LYPD6: variants seen among roughly 807,000 people sequenced by gnomAD.
LYPD6 encodes the protein LY6/PLAUR domain containing 6.
In LYPD6, 15 loss-of-function variants were observed where a neutral mutation model predicts 22.7. The observed-to-expected ratio is 0.66, with a 90% CI of 0.44 to 1.02. The LOEUF (loss-of-function observed/expected upper bound fraction) is 1.02, where lower values mean the gene tolerates loss of function less well. Among genes scored for constraint, LYPD6 ranks in the 50% least tolerant of loss-of-function variants. The pLI is 0.00. For synonymous variants in LYPD6, 72 were observed against 77.5 expected, an observed-to-expected ratio of 0.93 and a Z score of 0.37; for missense variants, 189 against 208.4, an observed-to-expected ratio of 0.91 and a Z score of 0.57.
intron 1 of LYPD6, among the ~76,000 whole-genome samples, chr2:149,354,600 T>A (rs1397784881): frequency 6.6e-6 from 1 of 152,170 alleles, no homozygotes; most frequent in Non-Finnish European, 1.5e-5. Flanking sequence ...ACAGCAGCTT[T>A]CTATGGCCCC....
intron 1 of LYPD6, among the ~76,000 whole-genome samples, chr2:149,348,572 AG>A (rs780147819): frequency 5.3e-5 from 8 of 152,240 alleles, no homozygotes; most frequent in South Asian, 2.1e-4. Flanking sequence ...TTGCCCTCCA[AG>A]AAGGCAGGTA....
At chr2:149,392,633 A>T (rs1193990097) in intron 1 of LYPD6, among the ~76,000 whole-genome samples, 3 of 152,162 alleles carry the variant, frequency 2.0e-5, no homozygotes, top group African/African-American at 7.2e-5. Context: ...GGCTATACGA[A>T]TATCTGTTGT....
At chr2:149,360,750 T>C (rs535742565) in intron 1 of LYPD6, among the ~76,000 whole-genome samples, 67 of 152,292 alleles carry the variant, frequency 4.4e-4, no homozygotes, top group African/African-American at 1.5e-3. Flanking sequence ...TTCAGTGGCC[T>C]TTCATTCTAT....
Position 149,470,926 on chromosome 2 carries a change from C to G in LYPD6, c.*76C>G, listed in dbSNP as rs1431343780. The G allele has an allele frequency of 1.5e-6, 2 of 1,353,676 alleles. No individual in the cohort carries two copies. The highest frequency in any genetic ancestry group is 2.1e-6 in the Non-Finnish European group (2 of 970,754). The allele number at this position is 1,353,676 out of a possible 1,614,324, so 83.9% of individuals were successfully genotyped here. On this transcript the variant is annotated 3_prime_UTR_variant, in exon 5 of 5. Coordinates refer to ENST00000334166, the MANE Select transcript of LYPD6 (RefSeq NM_194317.5). ...CCACAGACCTGCATGAGTCATTGGC[C>G]TGACAGTAATTACACATGTGAGACA...
At chr2:149,352,632 T>G (rs1681379454) in intron 1 of LYPD6, among the ~76,000 whole-genome samples, 1 of 152,194 alleles carries the variant, frequency 6.6e-6, no homozygotes, top group Non-Finnish European at 1.5e-5. Context: ...TGAAGTTTTG[T>G]TAGAACTCAG....
chr2:149,351,829 T>C lies in LYPD6; in HGVS notation c.-72+21107T>C, dbSNP rs574643092. Among the ~76,000 whole-genome samples the C allele has an allele frequency of 2.1e-3, 319 of 151,878 alleles. 2 individuals carry two copies. Among genetic ancestry groups the C allele is most frequent in the African/African-American group, 7.1e-3 (294 of 41,390 alleles). ...ATTCTCCAGAAGGATGTTGCTGTTA[T>C]GGAAGTCCTGGTTAAAATCACACTC... On this transcript the variant is annotated intron_variant, in intron 1 of 4. Transcript: ENST00000334166.
chr2:149,451,518 C>T (rs1680810269), intron 3 of LYPD6, among the ~76,000 whole-genome samples: 1 of 151,804 alleles, frequency 6.6e-6, no homozygotes, highest in Admixed American at 6.6e-5. Flanking sequence ...TCTGTGTAGG[C>T]TCTGGGCCAC....
At chr2:149,478,069 G>C (rs1681470223), downstream of LYPD6, among the ~76,000 whole-genome samples, 1 of 152,104 alleles carries the variant, frequency 6.6e-6, no homozygotes, top group Non-Finnish European at 1.5e-5. Flanking sequence ...CTGTTAGCTA[G>C]TATCTGCCTG....
chr2:149,369,363 T>A (rs979573930), intron 1 of LYPD6, among the ~76,000 whole-genome samples: 1 of 152,148 alleles, frequency 6.6e-6, no homozygotes, highest in Non-Finnish European at 1.5e-5. Flanking sequence ...TGTTCCCTTT[T>A]TCTGTCTAAA....
intron 2 of LYPD6, among the ~76,000 whole-genome samples, chr2:149,446,757 T>C (rs1418954595): frequency 6.6e-6 from 1 of 152,224 alleles, no homozygotes; most frequent in African/African-American, 2.4e-5. Flanking sequence ...TTTTTTAGAC[T>C]GTTTATGACT....
intron 1 of LYPD6, among the ~76,000 whole-genome samples, chr2:149,402,977 A>G (rs1276686291): frequency 2.0e-5 from 3 of 150,080 alleles, no homozygotes; most frequent in Admixed American, 6.7e-5. Flanking sequence ...GAGAACATGC[A>G]GTGTTTGGTT....
intron 1 of LYPD6, among the ~76,000 whole-genome samples, chr2:149,396,069 T>C (rs539668764): frequency 6.6e-6 from 1 of 152,340 alleles, no homozygotes; most frequent in African/African-American, 2.4e-5. Flanking sequence ...AGTTTTCTTT[T>C]ATTGTACTGC....
chr2:149,429,137 A>C (rs936480065), intron 1 of LYPD6, among the ~76,000 whole-genome samples: 1 of 152,058 alleles, frequency 6.6e-6, no homozygotes, highest in Non-Finnish European at 1.5e-5. Flanking sequence ...TAAAAATGAC[A>C]CTTTTGCTCT....
At position 149,471,866 on chromosome 2, in the gene LYPD6, ATGGAGAAGATTC is replaced by A. The variant is rs1475380213; in HGVS notation, c.*1019_*1030del. 1 of 152,644 alleles carries A rather than the reference ATGGAGAAGATTC, an allele frequency of 6.6e-6. No homozygotes were observed. Among genetic ancestry groups the A allele is most frequent in the Non-Finnish European group, 1.5e-5 (1 of 68,038 alleles). 9.5% of individuals were successfully genotyped at this position (152,644 alleles called of 1,614,324 possible). On this transcript the variant is annotated 3_prime_UTR_variant, in exon 5 of 5. Transcript: ENST00000334166. ...CCACTTCCAAATCCCCAGTGACTTT[ATGGAGAAGATTC>A]TGCATTAAATTGTCTTTCGAATGAT...
intron 3 of LYPD6, among the ~76,000 whole-genome samples, chr2:149,449,506 T>C (rs79496905): frequency 0.014 from 2,158 of 152,302 alleles, 22 homozygotes; most frequent in Non-Finnish European, 0.021. Context: ...GAATTGATGT[T>C]CATATAAAGA....
intron 1 of LYPD6, among the ~76,000 whole-genome samples, chr2:149,388,180 CTTT>C (rs907698162): frequency 4.7e-5 from 2 of 42,938 alleles, no homozygotes; most frequent in African/African-American, 3.8e-5. Flanking sequence ...CTCTCTCTCT[CTTT>C]TTTTTTTTTT....
chr2:149,467,636 A>T (rs1036462800), intron 3 of LYPD6, among the ~76,000 whole-genome samples: 1 of 152,190 alleles, frequency 6.6e-6, no homozygotes, highest in Non-Finnish European at 1.5e-5. Context: ...TCATAATTCC[A>T]TATTAGCCAC....
chr2:149,382,769 T>TCAAA lies in LYPD6; in HGVS notation c.-72+52047_-72+52048insCAAA, dbSNP rs1559132253. On this transcript the variant is annotated intron_variant, in intron 1 of 4. Transcript: ENST00000334166. ...AGAACATCTGTAGAAAAGTAGTAGA[T>TCAAA]TTGATAGCCTATTATAATTCTGTTA... Among the ~76,000 whole-genome samples, 1,310 of 151,792 alleles carry TCAAA rather than the reference T, an allele frequency of 8.6e-3. 22 individuals carry two copies. The highest frequency in any genetic ancestry group is 0.03 in the African/African-American group (1,256 of 41,392).
At chr2:149,368,430 G>T (rs150342950) in intron 1 of LYPD6, among the ~76,000 whole-genome samples, 2 of 152,272 alleles carry the variant, frequency 1.3e-5, no homozygotes, top group East Asian at 3.9e-4. Flanking sequence ...CTATTCAGGA[G>T]GCTGAGGCAT....
Sources: gnomAD v4.1 joint callset for allele counts (sites outside exome capture counted in the v4.1 genomes callset) on GRCh38, gnomAD v4.1.1 for gene constraint, MANE v1.5 for transcripts, NCBI Gene and HGNC (gene_info 2026-07-23, HGNC 2026-07-21) for gene names.